CFAP44: variants seen among roughly 807,000 people sequenced by gnomAD.
CFAP44 encodes the protein cilia and flagella associated protein 44.
CFAP44 carries 134 observed loss-of-function variants against 216.2 expected under a neutral mutation model. That is an observed-to-expected ratio of 0.62 (90% CI 0.54 to 0.72). The LOEUF (loss-of-function observed/expected upper bound fraction) is 0.72, where lower values mean the gene tolerates loss of function less well. Ranked by LOEUF, CFAP44 falls within the 30% of genes least tolerant of loss-of-function variation. The pLI, the probability that CFAP44 is intolerant of heterozygous loss-of-function variation, is 0.00. For synonymous variants in CFAP44, 700 were observed against 727.6 expected (o/e 0.96, Z 0.61); for missense variants, 2,035 against 2,182.1 (o/e 0.93, Z 1.34).
Position 113,395,770 on chromosome 3 carries a change from T to C in CFAP44, c.1870A>G (p.Met624Val). 3 of 1,612,808 alleles carry C rather than the reference T, an allele frequency of 1.9e-6. No homozygotes were observed. Among genetic ancestry groups the C allele is most frequent in the Non-Finnish European group, 2.5e-6 (3 of 1,179,574 alleles). ...CTTACATGAGACATGGGAGACCACA[T>C]TAACTGACACACAGGTCCAGGAGTA... Reference protein sequence around the residue: ...INTPGPVCQLMWSPMSHPEST... With the variant: ...INTPGPVCQLVWSPMSHPEST... Residue 624 changes from methionine to valine, a missense_variant, in exon 15 of 35, where the codon ATG (methionine) becomes GTG (valine). Met to Val is a conservative substitution (Grantham distance 21, BLOSUM62 1). Transcript: ENST00000393845.
intron 18 of CFAP44, among the ~76,000 whole-genome samples, chr3:113,369,710 G>A (rs1489637711): frequency 1.9e-4 from 29 of 151,934 alleles, no homozygotes; most frequent in Admixed American, 1.8e-3. Context: ...CTAGCAGAAG[G>A]CAAGAAATAA....
intron 6 of CFAP44, among the ~76,000 whole-genome samples, chr3:113,412,548 G>A (rs992813370): frequency 6.6e-6 from 1 of 151,912 alleles, no homozygotes; most frequent in Admixed American, 6.6e-5. Flanking sequence ...AACAGGCCCT[G>A]GTGTGTGTTG....
chr3:113,403,117 T>G lies in CFAP44; in HGVS notation c.1170+735A>C, dbSNP rs540327922. ...AAAGAAAAAAAAAAGAATCTTACTT[T>G]TGATAACATTTCTTAAAGAATGTCA... On this transcript the variant is annotated intron_variant, in intron 9 of 34. Transcript: ENST00000393845. Among the ~76,000 whole-genome samples, 127 of 152,296 alleles carry G rather than the reference T, an allele frequency of 8.3e-4. 1 individual carries two copies. Among genetic ancestry groups the G allele is most frequent in the Middle Eastern group, 3.4e-3 (1 of 294 alleles).
In CFAP44 at chr3:113,409,148, T is replaced by A. The variant is rs758900481; in HGVS notation, c.848A>T (p.Asp283Val). 7 of 1,613,832 alleles carry A rather than the reference T, an allele frequency of 4.3e-6. No homozygotes were observed. Among genetic ancestry groups the A allele is most frequent in the Non-Finnish European group, 5.9e-6 (7 of 1,179,948 alleles). The change falls in exon 7 of 35, where the codon GAT becomes GTT. Residue 283 changes from aspartate (D) to valine (V), a missense_variant. Asp to Val is a radical substitution (Grantham distance 152). Around this residue, in one of 3 missense-constraint regions of CFAP44, gnomAD observed 1,883 missense variants for 2,023.7 expected, o/e 0.93. Transcript: ENST00000393845. ...CGATGTAGTAAGCTGCTCTTCCTTA[T>A]CAGGATTGAAAGTAACCTTAAAAAC... is the stretch of plus-strand genomic sequence containing the variant. Reference protein sequence around the residue: ...QEVFKVTFNPDKEEQLTTSGS... With the variant: ...QEVFKVTFNPVKEEQLTTSGS...
At chr3:113,392,689 C>T (rs773149772) in intron 15 of CFAP44, among the ~76,000 whole-genome samples, 13 of 151,494 alleles carry the variant, frequency 8.6e-5, no homozygotes, top group Non-Finnish European at 2.9e-5. Context: ...ATATATCTAC[C>T]ATGTATCCAC....
At chr3:113,326,414 A>G in intron 28 of CFAP44, 31 bp downstream of exon 28, 1 of 1,460,002 alleles carries the variant, frequency 6.8e-7, no homozygotes, top group Non-Finnish European at 9.0e-7. Context: ...ATGAGAGAAA[A>G]TAAGATCATA....
At chr3:113,326,298 A>T in intron 28 of CFAP44, 147 bp downstream of exon 28, 1 of 655,724 alleles carries the variant, frequency 1.5e-6, no homozygotes, top group Non-Finnish European at 2.3e-6. Flanking sequence ...CCTAAGGTTT[A>T]TGTCTTCTCC....
Position 113,433,607 on chromosome 3 carries a change from C to T in CFAP44, c.58G>A (p.Asp20Asn). 2 of 1,613,284 alleles carry T rather than the reference C, an allele frequency of 1.2e-6. No homozygotes were observed. ...DGEKSVTSKSDGKKSLRSSKS... is the reference protein window; with the variant it reads ...DGEKSVTSKSNGKKSLRSSKS... ...GAAGACCTCAGAGACTTCTTCCCAT[C>T]ACTCTTTGATGTAACTGATTTCTCC... Residue 20 changes from aspartate to asparagine, a missense_variant, in exon 2 of 35, where the codon GAT (aspartate) becomes AAT (asparagine). Physicochemically the swap from Asp to Asn is conservative, Grantham distance 23 (BLOSUM62 1). This residue lies in a region of CFAP44 where 149 missense variants were observed against 141.8 expected (regional missense o/e 1.05). Coordinates refer to ENST00000393845, the MANE Select transcript of CFAP44 (RefSeq NM_001164496.2).
In CFAP44 at chr3:113,294,799, C is replaced by T. The variant is rs1949865205; in HGVS notation, c.5261G>A (p.Trp1754Ter). 1 of 1,533,182 alleles carries T rather than the reference C, an allele frequency of 6.5e-7. No individual in the cohort carries two copies. Among genetic ancestry groups the T allele is most frequent in the Admixed American group, 2.0e-5 (1 of 50,322 alleles). The allele number at this position is 1,533,182 out of a possible 1,614,324, so 95.0% of individuals were successfully genotyped here. ...TTCTTTTGTCTTCATCATCAGTTCC[C>T]ATCGCATTTGAGCAATCTTTTCCTA... ...MWEEKIAQMR[W>*]ELMMKTKEHT... The change falls in exon 34 of 35, where the codon TGG becomes TAG. Residue 1754 changes from tryptophan (W) to a stop codon, truncating the protein, a stop_gained. Transcript: ENST00000393845. LOFTEE classifies it high-confidence loss of function.
In CFAP44 at chr3:113,421,490, G is replaced by T. The variant is rs1934814053; in HGVS notation, c.408-1311C>A. ...TTCAACCTAGTAATCCAATTACTGG[G>T]GATATACCCAAAGGAAAATCATTGT... On this transcript the variant is annotated intron_variant, in intron 4 of 34. Coordinates refer to ENST00000393845, the MANE Select transcript of CFAP44 (RefSeq NM_001164496.2). Among the ~76,000 whole-genome samples, 3 of 152,004 alleles carry T rather than the reference G, an allele frequency of 2.0e-5. No homozygotes were observed. The South Asian group carries it at 6.2e-4, about 32-fold the overall frequency.
intron 24 of CFAP44, among the ~76,000 whole-genome samples, chr3:113,333,958 T>TC (rs1158954646): frequency 2.0e-5 from 3 of 151,402 alleles, no homozygotes; most frequent in African/African-American, 7.3e-5. Context: ...AATTAAACTT[T>TC]TTTTTTTTTT....
intron 7 of CFAP44, among the ~76,000 whole-genome samples, chr3:113,408,863 CAAAAAAAAAA>C (rs200920984): frequency 3.0e-5 from 2 of 66,372 alleles, no homozygotes; most frequent in Non-Finnish European, 7.1e-5. Context: ...AACTCCATTT[CAAAAAAAAAA>C]AAAAAAAAAG....
rs920763093 is a variant in CFAP44, at chr3:113,287,765, T to C, written c.*3792A>G. ...GGTCATATTGAAGAAATAGAACTAA[T>C]CTTTTTTATATAGGTGTGTGTTGAA... On this transcript the variant is annotated 3_prime_UTR_variant, in exon 35 of 35. Transcript: ENST00000393845. 5.3e-5 allele frequency: 8 copies of C among 152,260 alleles called. No homozygotes were observed. The highest frequency in any genetic ancestry group is 2.1e-4 in the South Asian group (1 of 4,830). 9.4% of individuals were successfully genotyped at this position (152,260 alleles called of 1,614,324 possible).
At chr3:113,372,540 G>A (rs1933201796) in intron 18 of CFAP44, among the ~76,000 whole-genome samples, 1 of 152,170 alleles carries the variant, frequency 6.6e-6, no homozygotes, top group Admixed American at 6.5e-5. Context: ...GAGAACACAT[G>A]GACACAGGGT....
At chr3:113,381,255 T>C (rs1933500049) in intron 15 of CFAP44, among the ~76,000 whole-genome samples, 195 bp from the exon 16 acceptor site, 1 of 150,946 alleles carries the variant, frequency 6.6e-6, no homozygotes, top group Non-Finnish European at 1.5e-5. Flanking sequence ...ATTATTGTTA[T>C]ATCATTATTA....
At chr3:113,438,249 GAA>G (rs1935282114) in intron 1 of CFAP44, among the ~76,000 whole-genome samples, 1 of 152,212 alleles carries the variant, frequency 6.6e-6, no homozygotes, top group Admixed American at 6.5e-5. Flanking sequence ...CTTCAGAGCT[GAA>G]AGAGGACTTT....
intron 6 of CFAP44, among the ~76,000 whole-genome samples, chr3:113,411,599 T>C (rs1187186688): frequency 3.9e-5 from 6 of 152,230 alleles, no homozygotes; most frequent in Admixed American, 3.9e-4. Flanking sequence ...AGCTTTGTTC[T>C]TTTGGCTTAG....
intron 28 of CFAP44, among the ~76,000 whole-genome samples, chr3:113,312,422 G>T (rs1559907965): frequency 6.6e-6 from 1 of 151,912 alleles, no homozygotes; most frequent in African/African-American, 2.4e-5. Context: ...GAGCATAAAA[G>T]TTTGGAAAAT....
At chr3:113,343,059 CTTTT>C (rs397990837) in intron 23 of CFAP44, among the ~76,000 whole-genome samples, 3 of 106,776 alleles carry the variant, frequency 2.8e-5, no homozygotes, top group Admixed American at 1.0e-4. Flanking sequence ...TTCTTTCTTT[CTTTT>C]TTTTTTTTTT....
Sources: gnomAD v4.1 joint callset for allele counts (sites outside exome capture counted in the v4.1 genomes callset) on GRCh38, gnomAD v4.1.1 for gene constraint, gnomAD v4.1.1 regional missense constraint, MANE v1.5 for transcripts, NCBI Gene and HGNC (gene_info 2026-07-23, HGNC 2026-07-21) for gene names.